The following CDH13 variants were observed in gnomAD, a reference collection of about 807,000 sequenced individuals.
CDH13 encodes the protein cadherin-13.
In CDH13, 24 loss-of-function variants were observed where a neutral mutation model predicts 63.8. The observed-to-expected ratio is 0.38, with a 90% confidence interval of 0.27 to 0.53. The LOEUF (loss-of-function observed/expected upper bound fraction) is 0.53. CDH13 is among the 20% of genes least tolerant of loss of function. The pLI, the probability that CDH13 is intolerant of heterozygous loss-of-function variation, is 0.85. For missense variants in CDH13, 1,049 were observed against 903.1 expected (o/e 1.16, Z -2.07); for synonymous variants, 503 against 355.3 (o/e 1.42, Z -4.67).
At chr16:83,031,191 A>ATGGTG (rs1916277546) in intron 2 of CDH13, among the ~76,000 whole-genome samples, 1 of 145,746 alleles carries the variant, frequency 6.9e-6, no homozygotes, top group South Asian at 2.2e-4. Context: ...TGTATACACC[A>ATGGTG]TATACATGCG....
intron 2 of CDH13, among the ~76,000 whole-genome samples, chr16:82,916,207 C>A (rs989854076): frequency 2.0e-5 from 3 of 151,978 alleles, no homozygotes; most frequent in Non-Finnish European, 2.9e-5. Flanking sequence ...ATATGGGCTG[C>A]GGAAATAGGT....
intron 6 of CDH13, among the ~76,000 whole-genome samples, chr16:83,375,564 C>G (rs1401433024): frequency 6.6e-6 from 1 of 152,134 alleles, no homozygotes; most frequent in Non-Finnish European, 1.5e-5. Context: ...ATGGTAAAAA[C>G]AGGCTTGTAT....
intron 2 of CDH13, among the ~76,000 whole-genome samples, chr16:82,976,974 C>T (rs1909602947): frequency 6.6e-6 from 1 of 152,134 alleles, no homozygotes; most frequent in Non-Finnish European, 1.5e-5. Flanking sequence ...CTGGCTTTGT[C>T]CTGTCTATTA....
intron 2 of CDH13, among the ~76,000 whole-genome samples, chr16:82,968,046 C>T (rs936430400): frequency 7.2e-5 from 11 of 152,282 alleles, no homozygotes; most frequent in African/African-American, 2.2e-4. Flanking sequence ...AGTCCTTCTA[C>T]ATTTATTTGT....
At chr16:83,683,248 C>T (rs1423023433) in intron 10 of CDH13, among the ~76,000 whole-genome samples, 1 of 152,192 alleles carries the variant, frequency 6.6e-6, no homozygotes, top group African/African-American at 2.4e-5. Flanking sequence ...CAGCAGTGGT[C>T]TAGTGACAGA....
chr16:83,247,915 C>T (rs1249323490), intron 5 of CDH13, among the ~76,000 whole-genome samples: 1 of 152,164 alleles, frequency 6.6e-6, no homozygotes. Flanking sequence ...CTTTAAATGT[C>T]ACCCATGTGT....
At chr16:83,614,197 C>T (rs1909094812) in intron 8 of CDH13, among the ~76,000 whole-genome samples, 1 of 152,168 alleles carries the variant, frequency 6.6e-6, no homozygotes, top group South Asian at 2.1e-4. Context: ...TTTCTGTAAA[C>T]AGATAAGAGT....
chr16:82,869,799 C>A (rs1335900654), intron 2 of CDH13, among the ~76,000 whole-genome samples: 1 of 152,138 alleles, frequency 6.6e-6, no homozygotes, highest in Admixed American at 6.5e-5. Context: ...GATAATAGAG[C>A]CCTATCTCTT....
chr16:82,738,173 T>G (rs1042165446), intron 1 of CDH13, among the ~76,000 whole-genome samples: 7 of 152,076 alleles, frequency 4.6e-5, no homozygotes, highest in Non-Finnish European at 1.0e-4. Flanking sequence ...TCTCAAAGAG[T>G]TTCTTGCAAG....
chr16:83,688,699 T>C (rs984877624), intron 10 of CDH13, among the ~76,000 whole-genome samples: 4 of 152,170 alleles, frequency 2.6e-5, no homozygotes, highest in South Asian at 2.1e-4. Flanking sequence ...TTTACAGTGG[T>C]GTCTTTGTAA....
intron 3 of CDH13, among the ~76,000 whole-genome samples, chr16:83,076,037 A>G (rs1339487749): frequency 6.6e-6 from 1 of 152,240 alleles, no homozygotes; most frequent in Non-Finnish European, 1.5e-5. Context: ...CTGAAAGCTG[A>G]CAAATGGCAG....
intron 5 of CDH13, among the ~76,000 whole-genome samples, chr16:83,277,888 T>G (rs1399045864): frequency 1.3e-5 from 2 of 152,198 alleles, no homozygotes; most frequent in Non-Finnish European, 2.9e-5. Flanking sequence ...ATTTGAGAAG[T>G]TTGTTTGCTA....
chr16:82,975,757 A>G (rs536947637), intron 2 of CDH13, among the ~76,000 whole-genome samples: 7 of 152,310 alleles, frequency 4.6e-5, no homozygotes, highest in Non-Finnish European at 8.8e-5. Flanking sequence ...CAGTTTCCAC[A>G]TATTTATATG....
intron 6 of CDH13, among the ~76,000 whole-genome samples, chr16:83,417,222 C>G (rs905876887): frequency 2.0e-5 from 3 of 152,184 alleles, no homozygotes; most frequent in Non-Finnish European, 4.4e-5. Context: ...CAGATCCACA[C>G]TTTTGACCTG....
At chr16:83,584,745 A>C (rs1905980463) in intron 7 of CDH13, among the ~76,000 whole-genome samples, 1 of 152,194 alleles carries the variant, frequency 6.6e-6, no homozygotes, top group African/African-American at 2.4e-5. Flanking sequence ...GGTAATTTAT[A>C]AAGAAAACAG....
At chr16:83,782,324 G>T (rs554715296) in intron 12 of CDH13, among the ~76,000 whole-genome samples, 3 of 152,234 alleles carry the variant, frequency 2.0e-5, no homozygotes, top group African/African-American at 7.2e-5. Flanking sequence ...CCTGGGTGAT[G>T]GTGGCTATTG....
intron 10 of CDH13, among the ~76,000 whole-genome samples, chr16:83,684,531 G>A (rs1904284791): frequency 6.6e-6 from 1 of 152,232 alleles, no homozygotes; most frequent in Non-Finnish European, 1.5e-5. Flanking sequence ...AAATCCTTCT[G>A]AATAGCTGGG....
intron 8 of CDH13, among the ~76,000 whole-genome samples, chr16:83,650,422 C>T (rs559578764): frequency 9.0e-4 from 137 of 152,290 alleles, no homozygotes; most frequent in African/African-American, 3.2e-3. Flanking sequence ...ATGTTTGAAT[C>T]TATGACCAAA....
At chr16:83,234,217 T>C (rs2040083067) in intron 5 of CDH13, among the ~76,000 whole-genome samples, 1 of 152,196 alleles carries the variant, frequency 6.6e-6, no homozygotes, top group Non-Finnish European at 1.5e-5. Flanking sequence ...CCCCAGTCTT[T>C]TGCAAATCTT....
Sources: allele counts gnomAD v4.1 joint callset (sites outside exome capture counted in the v4.1 genomes callset), GRCh38; gene constraint gnomAD v4.1.1; transcripts MANE v1.5; gene names NCBI Gene and HGNC (gene_info 2026-07-23, HGNC 2026-07-21).